The following SLC37A3 variants were observed in gnomAD, a reference collection of about 807,000 sequenced individuals.
SLC37A3 encodes sugar phosphate exchanger 3.
A neutral mutation model predicts 67.1 loss-of-function variants in SLC37A3; 51 were observed. The ratio of observed to expected loss-of-function variants is 0.76; its 90% CI spans 0.61 to 0.96. The LOEUF (loss-of-function observed/expected upper bound fraction) is 0.96. Among genes scored for constraint, SLC37A3 ranks in the 40% least tolerant of loss-of-function variants. SLC37A3 has a pLI of 0.00. For missense variants in SLC37A3, 508 were observed against 603.0 expected (o/e 0.84, Z 1.65); for synonymous variants, 214 against 231.4 (o/e 0.92, Z 0.68).
At chr7:140,397,061 G>T (rs1212042540) in intron 1 of SLC37A3, among the ~76,000 whole-genome samples, 1 of 150,296 alleles carries the variant, frequency 6.7e-6, no homozygotes, top group African/African-American at 2.4e-5. Flanking sequence ...TTAGCCTGGC[G>T]TGGTGGCGGG....
intron 12 of SLC37A3, among the ~76,000 whole-genome samples, chr7:140,344,825 A>G (rs1253054739): frequency 2.6e-5 from 4 of 152,246 alleles, no homozygotes; most frequent in African/African-American, 9.6e-5. Context: ...CAACTATTTT[A>G]TCTAGTGCTC....
intron 1 of SLC37A3, among the ~76,000 whole-genome samples, chr7:140,388,303 C>T (rs951955001): frequency 2.7e-5 from 4 of 150,710 alleles, no homozygotes; most frequent in East Asian, 2.0e-4. Flanking sequence ...TGTGGTGGTG[C>T]GTGCCTGTAG....
In SLC37A3 at chr7:140,345,211, C is replaced by T. The variant is rs74938974; in HGVS notation, c.1174+5G>A. 20,059 of 1,612,472 alleles carry T rather than the reference C, an allele frequency of 0.012. 177 individuals are homozygous for T. The highest frequency in any genetic ancestry group is 0.014 in the Non-Finnish European group (16,143 of 1,178,608). On this transcript the variant is annotated splice_donor_5th_base_variant and intron_variant, in intron 12 of 14. Coordinates refer to ENST00000326232, the MANE Select transcript of SLC37A3 (RefSeq NM_207113.3). ...AGCATGGTGGAGCAGAGCCATGTGC[C>T]GTACCTGTAACAGTCATCAGAAGGG... is the stretch of plus-strand genomic sequence containing the variant.
At position 140,351,864 on chromosome 7, in the gene SLC37A3, T is replaced by C. The variant is rs550500033; in HGVS notation, c.703+198A>G. ...TGTATCTATAAAAGACGTGCATCACTCCCCTCAAACACGTCCAGCTGTGCC... is the reference window on the plus strand; with the variant it reads ...TGTATCTATAAAAGACGTGCATCACCCCCCTCAAACACGTCCAGCTGTGCC... On this transcript the variant is annotated intron_variant, in intron 8 of 14. Transcript: ENST00000326232. The C allele has an allele frequency of 1.3e-5, 9 of 674,914 alleles. No individual in the cohort carries two copies. In the East Asian group the frequency reaches 2.5e-4, roughly 18 times the overall value. The allele number at this position is 674,914 out of a possible 1,614,324, so 41.8% of individuals were successfully genotyped here.
chr7:140,384,392 G>A (rs887781428), intron 1 of SLC37A3, among the ~76,000 whole-genome samples: 1 of 152,058 alleles, frequency 6.6e-6, no homozygotes, highest in African/African-American at 2.4e-5. Context: ...TATAATGGAA[G>A]GGAAACACCC....
At chr7:140,387,749 A>AT (rs370424720) in intron 1 of SLC37A3, among the ~76,000 whole-genome samples, 8 of 16,990 alleles carry the variant, frequency 4.7e-4, no homozygotes, top group East Asian at 3.1e-3. Flanking sequence ...TATATTATAT[A>AT]AATATAAATA....
intron 1 of SLC37A3, among the ~76,000 whole-genome samples, chr7:140,396,541 C>A (rs1203524230): frequency 5.3e-5 from 8 of 152,106 alleles, no homozygotes; most frequent in African/African-American, 1.9e-4. Flanking sequence ...TGTTTTTGGA[C>A]ATGTTCCAAA....
intron 9 of SLC37A3, among the ~76,000 whole-genome samples, chr7:140,349,799 G>A (rs1413248924): frequency 6.6e-6 from 1 of 152,082 alleles, no homozygotes; most frequent in Non-Finnish European, 1.5e-5. Flanking sequence ...AAGAACAAAG[G>A]AACAGCAAAA....
chr7:140,369,586 T>C lies in SLC37A3; in HGVS notation c.291+4A>G, dbSNP rs759453750. 1.2e-6 allele frequency: 2 copies of C among 1,613,028 alleles called. No homozygotes were observed. The highest frequency in any genetic ancestry group is 1.7e-6 in the Non-Finnish European group (2 of 1,179,256). ...GCTTTAAGCCCTAGAGTTCCAAAACTTACCACAGCATAGGAGAAGAGGAAA... is the reference window on the plus strand; with the variant it reads ...GCTTTAAGCCCTAGAGTTCCAAAACCTACCACAGCATAGGAGAAGAGGAAA... On this transcript the variant is annotated splice_donor_region_variant and intron_variant, in intron 4 of 14. Coordinates refer to ENST00000326232, the MANE Select transcript of SLC37A3 (RefSeq NM_207113.3).
intron 1 of SLC37A3, among the ~76,000 whole-genome samples, chr7:140,394,444 C>G (rs1017079404): frequency 6.6e-6 from 1 of 151,628 alleles, no homozygotes. Flanking sequence ...ATAGGGAGAC[C>G]TCATTCATCT....
chr7:140,369,523 G>A (rs1797735396), intron 4 of SLC37A3, 67 bp downstream of exon 4: 2 of 1,320,508 alleles, frequency 1.5e-6, no homozygotes, highest in Admixed American at 4.4e-5. Flanking sequence ...TACAAATTTT[G>A]TAAGGCTCAG....
chr7:140,362,475 G>C (rs1235065012), intron 5 of SLC37A3, among the ~76,000 whole-genome samples: 153 of 143,662 alleles, frequency 1.1e-3, no homozygotes, highest in Non-Finnish European at 2.0e-3. Context: ...GGTGAGGGGC[G>C]CCTCTGCCCG....
chr7:140,348,709 G>T lies in SLC37A3; in HGVS notation c.941C>A (p.Pro314His), dbSNP rs1342928921. Reference protein sequence around the residue: ...LVNYSFFFWLPFYLSNNFGWK... With the variant: ...LVNYSFFFWLHFYLSNNFGWK... The stretch of plus-strand genomic sequence containing the variant: ...GCCGAAGTTGTTACTCAGATAAAAG[G>T]GGAGCCAGAAGAAGAAGGAGTAATT... Residue 314 changes from proline (P) to histidine (H), a missense_variant, in exon 10 of 15, where the codon CCC becomes CAC. Pro to His is a moderately conservative substitution (Grantham distance 77, BLOSUM62 -2). Transcript: ENST00000326232. The T allele has an allele frequency of 6.2e-7, 1 of 1,614,116 alleles. No homozygotes were observed. Among genetic ancestry groups the T allele is most frequent in the South Asian group, 1.1e-5 (1 of 91,080 alleles).
chr7:140,370,953 TAAACTGAAGAAGC>T, intron 3 of SLC37A3, among the ~76,000 whole-genome samples: 1 of 152,016 alleles, frequency 6.6e-6, no homozygotes, highest in Admixed American at 6.6e-5. Flanking sequence ...CACACTGGAG[TAAACTGAAGAAGC>T]TGTTCAAGGT....
At chr7:140,359,074 G>A (rs1005321986) in intron 5 of SLC37A3, among the ~76,000 whole-genome samples, 15 of 152,216 alleles carry the variant, frequency 9.9e-5, no homozygotes, top group East Asian at 5.8e-4. Flanking sequence ...ATTCCAGGCC[G>A]GGCTCACGCC....
chr7:140,337,463 G>T, intron 13 of SLC37A3, 114 bp from the exon 14 acceptor site: 1 of 873,628 alleles, frequency 1.1e-6, no homozygotes, highest in Non-Finnish European at 1.7e-6. Context: ...AACAGGATTT[G>T]TATGTTTTGC....
intron 5 of SLC37A3, among the ~76,000 whole-genome samples, chr7:140,361,966 C>T (rs1299935611): frequency 1.4e-5 from 2 of 141,672 alleles, no homozygotes; most frequent in East Asian, 2.2e-4. Context: ...TCTGCCCAGC[C>T]GCCACCCTGT....
chr7:140,389,570 C>T (rs751849812), intron 1 of SLC37A3, among the ~76,000 whole-genome samples: 18 of 152,248 alleles, frequency 1.2e-4, no homozygotes, highest in African/African-American at 3.1e-4. Context: ...CCTGCAAAGC[C>T]GGCTCTGTGA....
At chr7:140,354,617 C>T (rs1796945125) in intron 7 of SLC37A3, among the ~76,000 whole-genome samples, 2 of 152,008 alleles carry the variant, frequency 1.3e-5, no homozygotes, top group Admixed American at 1.3e-4. Context: ...GTTTACAAGC[C>T]ATTCCTACAT....
Sources: allele counts gnomAD v4.1 joint callset (sites outside exome capture counted in the v4.1 genomes callset), GRCh38; gene constraint gnomAD v4.1.1; transcripts MANE v1.5; gene names NCBI Gene and HGNC (gene_info 2026-07-23, HGNC 2026-07-21).